Variants in AUTS2 observed in about 807,000 individuals in gnomAD.
The protein encoded by AUTS2 is autism susceptibility gene 2 protein.
In AUTS2, 17 loss-of-function variants were observed where a neutral mutation model predicts 112.4. The ratio of observed to expected loss-of-function variants is 0.15; its 90% CI spans 0.10 to 0.23. The LOEUF is 0.23. AUTS2 is among the 10% of genes least tolerant of loss of function. AUTS2 has a pLI of 1.00. For missense variants in AUTS2, 1,510 were observed against 1,701.6 expected (o/e 0.89, Z 1.98); for synonymous variants, 751 against 702.7 (o/e 1.07, Z -1.09).
At chr7:70,312,411 C>T (rs189497755) in intron 4 of AUTS2, among the ~76,000 whole-genome samples, 306 of 152,218 alleles carry the variant, frequency 2.0e-3, no homozygotes, top group Non-Finnish European at 3.7e-3. Flanking sequence ...CTTTTGCTTC[C>T]ATTTTAATAA....
chr7:70,698,369 T>TC (rs201662774), intron 5 of AUTS2, among the ~76,000 whole-genome samples, 200 bp from the exon 6 acceptor site: 13 of 150,260 alleles, frequency 8.7e-5, no homozygotes, highest in African/African-American at 2.5e-4. Flanking sequence ...CAGATTTTTT[T>TC]CCCCCCAGCA....
intron 4 of AUTS2, among the ~76,000 whole-genome samples, chr7:70,225,467 C>T (rs1033581262): frequency 5.3e-5 from 8 of 152,102 alleles, no homozygotes; most frequent in Non-Finnish European, 1.2e-4. Context: ...CATCCTGTGT[C>T]CCAGGAGCTT....
At chr7:70,364,302 G>A (rs1166148018) in intron 4 of AUTS2, among the ~76,000 whole-genome samples, 2 of 151,936 alleles carry the variant, frequency 1.3e-5, no homozygotes, top group Admixed American at 6.6e-5. Flanking sequence ...AGTGGCTCAC[G>A]CCTGTAATCC....
chr7:70,459,036 C>A (rs1796859651), intron 5 of AUTS2, among the ~76,000 whole-genome samples: 1 of 152,178 alleles, frequency 6.6e-6, no homozygotes, highest in African/African-American at 2.4e-5. Flanking sequence ...GGACTCTCTT[C>A]ATTATTAGCT....
In AUTS2 at chr7:70,440,186, G is replaced by A. The variant is rs1365325650; in HGVS notation, c.690+4405G>A. On this transcript the variant is annotated intron_variant, in intron 5 of 18. Transcript: ENST00000342771. ...TGGGCTCTTGTCTTTGAGCCCTAGAGTTTGAGACCAGCCTGGGCAACATAG... is the reference window on the plus strand; with the variant it reads ...TGGGCTCTTGTCTTTGAGCCCTAGAATTTGAGACCAGCCTGGGCAACATAG... Among the ~76,000 whole-genome samples, 5 of 145,068 alleles carry A rather than the reference G, an allele frequency of 3.4e-5. No homozygotes were observed. The East Asian group carries it at 1.1e-3, about 31-fold the overall frequency.
intron 4 of AUTS2, among the ~76,000 whole-genome samples, chr7:70,321,759 A>G (rs970739112): frequency 1.3e-5 from 2 of 152,206 alleles, no homozygotes; most frequent in African/African-American, 4.8e-5. Context: ...ACACATATTC[A>G]TTAAACATAC....
At chr7:70,020,112 G>T (rs1385978452) in intron 2 of AUTS2, among the ~76,000 whole-genome samples, 2 of 152,212 alleles carry the variant, frequency 1.3e-5, no homozygotes, top group Admixed American at 6.5e-5. Flanking sequence ...ACATGTTGAT[G>T]CATAGGGACA....
intron 5 of AUTS2, among the ~76,000 whole-genome samples, chr7:70,634,845 G>C (rs528184992): frequency 6.6e-6 from 1 of 152,340 alleles, no homozygotes; most frequent in South Asian, 2.1e-4. Context: ...CAGATTGTGA[G>C]CTGCACATTG....
intron 4 of AUTS2, among the ~76,000 whole-genome samples, chr7:70,280,575 C>T (rs921084077): frequency 6.6e-6 from 1 of 151,288 alleles, no homozygotes; most frequent in African/African-American, 2.4e-5. Context: ...GGATTACAGG[C>T]GTGAGCCACT....
chr7:69,795,623 T>A (rs1789808367), intron 1 of AUTS2, among the ~76,000 whole-genome samples: 1 of 152,202 alleles, frequency 6.6e-6, no homozygotes, highest in South Asian at 2.1e-4. Context: ...AGGAAATGAA[T>A]GAGAGCAGTG....
At chr7:69,840,826 C>T (rs1791945762) in intron 1 of AUTS2, among the ~76,000 whole-genome samples, 1 of 152,170 alleles carries the variant, frequency 6.6e-6, no homozygotes, top group African/African-American at 2.4e-5. Flanking sequence ...AGAGAAACCT[C>T]TGCTTTACAA....
At chr7:69,634,111 CAGA>C (rs1268304896) in intron 1 of AUTS2, among the ~76,000 whole-genome samples, 4 of 151,910 alleles carry the variant, frequency 2.6e-5, no homozygotes, top group African/African-American at 9.7e-5. Flanking sequence ...GAGGCCTCAC[CAGA>C]CTTGATTATT....
chr7:70,279,421 G>A (rs1788098292), intron 4 of AUTS2, among the ~76,000 whole-genome samples: 1 of 152,214 alleles, frequency 6.6e-6, no homozygotes, highest in South Asian at 2.1e-4. Context: ...GGCTACTCCA[G>A]TGGGACAAAG....
intron 2 of AUTS2, among the ~76,000 whole-genome samples, chr7:69,977,544 G>C (rs757566696): frequency 1.1e-4 from 17 of 152,186 alleles, no homozygotes; most frequent in Non-Finnish European, 2.2e-4. Context: ...TTTAACAACA[G>C]TAGGTATAAC....
At chr7:70,584,435 G>T (rs933217078) in intron 5 of AUTS2, among the ~76,000 whole-genome samples, 34 of 152,216 alleles carry the variant, frequency 2.2e-4, no homozygotes, top group Non-Finnish European at 4.6e-4. Context: ...TTTCATTCAC[G>T]CTGTGACAGC....
chr7:70,566,467 G>A (rs1585310577), intron 5 of AUTS2, among the ~76,000 whole-genome samples: 1 of 152,194 alleles, frequency 6.6e-6, no homozygotes, highest in South Asian at 2.1e-4. Context: ...TAGATTACAT[G>A]GGAATTGAGT....
At chr7:70,043,038 G>A (rs1022605302) in intron 2 of AUTS2, among the ~76,000 whole-genome samples, 2 of 149,890 alleles carry the variant, frequency 1.3e-5, no homozygotes, top group East Asian at 2.0e-4. Context: ...AAAAAACCTT[G>A]CAGAGCTTAA....
intron 1 of AUTS2, among the ~76,000 whole-genome samples, chr7:69,890,305 A>C (rs563149330): frequency 3.3e-5 from 5 of 152,338 alleles, no homozygotes; most frequent in African/African-American, 9.6e-5. Flanking sequence ...AGCTGAGTTT[A>C]GGAGAGCTTC....
chr7:69,688,546 G>A (rs998743599), intron 1 of AUTS2, among the ~76,000 whole-genome samples: 2 of 152,092 alleles, frequency 1.3e-5, no homozygotes, highest in African/African-American at 4.8e-5. Context: ...ACATAGTGAT[G>A]TTCAATACAT....
Sources: allele counts gnomAD v4.1 joint callset (sites outside exome capture counted in the v4.1 genomes callset), GRCh38; gene constraint gnomAD v4.1.1; transcripts MANE v1.5; gene names NCBI Gene and HGNC (gene_info 2026-07-23, HGNC 2026-07-21).